The following NOTCH4 variants were observed in gnomAD, a reference collection of about 807,000 sequenced individuals.
NOTCH4 encodes the protein neurogenic locus notch homolog protein 4.
A neutral mutation model predicts 189.0 loss-of-function variants in NOTCH4; 138 were observed. The ratio of observed to expected loss-of-function variants is 0.73; its 90% CI spans 0.64 to 0.84. NOTCH4 has a LOEUF of 0.84. Ranked by LOEUF, NOTCH4 falls within the 40% of genes least tolerant of loss-of-function variation. The probability of loss-of-function intolerance (pLI) is 0.00; values close to 1 mark genes in which losing one functional copy is unlikely to be tolerated. For missense variants in NOTCH4, 2,286 were observed against 2,605.4 expected (o/e 0.88, Z 2.67); for synonymous variants, 942 against 1,032.8 (o/e 0.91, Z 1.69).
chr6:32,216,791 AC>A, intron 11 of NOTCH4, 153 bp downstream of exon 11: 1 of 947,712 alleles, frequency 1.1e-6, no homozygotes, highest in East Asian at 2.5e-5. Flanking sequence ...CCATGGTTGT[AC>A]AATTGTGCAG....
chr6:32,196,215 T>C (rs777010123), intron 29 of NOTCH4, 65 bp from the exon 30 acceptor site: 2 of 1,605,414 alleles, frequency 1.2e-6, no homozygotes, highest in South Asian at 2.2e-5. Context: ...CCTTTCTGCC[T>C]TCACTTGCGC....
intron 12 of NOTCH4, among the ~76,000 whole-genome samples, chr6:32,214,908 G>A (rs1233589040): frequency 2.0e-5 from 3 of 152,180 alleles, no homozygotes; most frequent in Non-Finnish European, 2.9e-5. Flanking sequence ...TTACCGGCAT[G>A]AGACCGTAAT....
In NOTCH4 at chr6:32,214,356, G is replaced by A; in HGVS notation, c.2022-101C>T. On this transcript the variant is annotated intron_variant, in intron 12 of 29. Transcript: ENST00000375023. The stretch of plus-strand genomic sequence containing the variant: ...TATGACTTCCTCTTCTTTTGGCCCT[G>A]AGATTCTGGCCTCTTTCTTCAGTGA... 3 of 1,337,850 alleles carry A rather than the reference G, an allele frequency of 2.2e-6. No individual in the cohort carries two copies. In the South Asian group the frequency reaches 3.8e-5, roughly 17 times the overall value. 82.9% of individuals were successfully genotyped at this position (1,337,850 alleles called of 1,614,324 possible). A position where few individuals can be genotyped will look rare whatever the true frequency, so the allele number is the denominator to read the frequency against.
rs1789742147 is a variant in NOTCH4 at position 32,221,070 on chromosome 6, C to T, written c.707G>A (p.Gly236Glu). ...QEGPRCELRAGPCPPRGCSNG... is the reference protein window; with the variant it reads ...QEGPRCELRAEPCPPRGCSNG... ...CGAACAGCCCCTAGGAGGGCAGGGT[C>T]CTGCCCGCAGCTCACAACGTGGACC... The change falls in exon 4 of 30, where the codon GGA becomes GAA. Residue 236 changes from glycine to glutamate, a missense_variant. Around this residue, in one of 2 missense-constraint regions of NOTCH4, gnomAD observed 1,903 missense variants for 2,261.9 expected, o/e 0.84. Coordinates refer to ENST00000375023, the MANE Select transcript of NOTCH4 (RefSeq NM_004557.4). The surrounding 1 kb of genome is among the most constrained non-coding windows in gnomAD (Gnocchi z 4.3). 12 of 1,613,174 alleles carry T rather than the reference C, an allele frequency of 7.4e-6. No homozygotes were observed. Among genetic ancestry groups the T allele is most frequent in the Admixed American group, 3.3e-5 (2 of 60,026 alleles).
In NOTCH4 at chr6:32,201,011, A is replaced by G; in HGVS notation, c.4140-5T>C. On this transcript the variant is annotated splice_polypyrimidine_tract_variant and splice_region_variant and intron_variant, in intron 22 of 29. Transcript: ENST00000375023. This position sits in a 1 kb window ranked among gnomAD's most constrained non-coding sequence, Gnocchi z 5.5. ...ACACCCATGACCACCACAAACCTGT[A>G]GAGGAGGCACCTCAGAGACCTCTGT... 1.3e-6 allele frequency: 2 copies of G among 1,558,122 alleles called. No individual in the cohort carries two copies. The highest frequency in any genetic ancestry group is 1.7e-6 in the Non-Finnish European group (2 of 1,152,478).
In NOTCH4 at chr6:32,197,434, G is replaced by A; in HGVS notation, c.4917C>T (p.His1639=). Residue 1639 remains histidine, a synonymous_variant, in exon 27 of 30, where the codon CAC becomes CAT. Coordinates refer to ENST00000375023, the MANE Select transcript of NOTCH4 (RefSeq NM_004557.4). The part of the protein sequence containing the change: ...HTVGTGETPL[H]LAARFSRPTA... ...TTGGCCGGGAGAATCGGGCAGCCAG[G>A]TGCAGGGGGGTCTCCCCAGTGCCCA... The A allele has an allele frequency of 6.4e-7, 1 of 1,556,866 alleles. No homozygotes were observed. Among genetic ancestry groups the A allele is most frequent in the Non-Finnish European group, 8.7e-7 (1 of 1,151,390 alleles).
intron 2 of NOTCH4, 47 bp from the exon 3 acceptor site, chr6:32,222,853 T>G (rs1789875589): frequency 6.3e-7 from 1 of 1,599,908 alleles, no homozygotes; most frequent in South Asian, 1.1e-5. Flanking sequence ...TCCCTCTTCC[T>G]ATTCTTGCCC....
In NOTCH4 at chr6:32,222,673, A is replaced by G. The variant is rs141274168; in HGVS notation, c.289T>C (p.Leu97=). Reference sequence around the variant, plus strand: ...CAAGTGCACAAGAAGCTGGGTGTCAATGGAGAGGGAGAGCTGGGGAGCCCT... The same window carrying G: ...CAAGTGCACAAGAAGCTGGGTGTCAGTGGAGAGGGAGAGCTGGGGAGCCCT... ...PLGLPSSPSP[L]TPSFLCTCLP... is the part of the protein sequence containing the mutation. Residue 97 remains leucine, a synonymous_variant, in exon 3 of 30, where the codon TTG becomes CTG. Coordinates refer to ENST00000375023, the MANE Select transcript of NOTCH4 (RefSeq NM_004557.4). 67 of 1,604,026 alleles carry G rather than the reference A, an allele frequency of 4.2e-5. No individual in the cohort carries two copies. The African/African-American group carries it at 8.1e-4, about 19-fold the overall frequency.
chr6:32,211,580 G>A (rs1789022224), intron 17 of NOTCH4, among the ~76,000 whole-genome samples: 1 of 150,746 alleles, frequency 6.6e-6, no homozygotes, highest in Non-Finnish European at 1.5e-5. Context: ...GTGACAGACT[G>A]GGACTCCATC....
At position 32,201,344 on chromosome 6, in the gene NOTCH4, G is replaced by A. The variant is rs1479405806; in HGVS notation, c.3912C>T (p.Ser1304=). 5 of 1,610,062 alleles carry A rather than the reference G, an allele frequency of 3.1e-6. No individual in the cohort carries two copies. Among genetic ancestry groups the A allele is most frequent in the Non-Finnish European group, 3.4e-6 (4 of 1,178,290 alleles). ...ACAGCTGCTGGTCTAGGGCTGGGGG[G>A]CTCAGTACCACCAGCAGGGCCAGGG... ...GPSLALLVVL[S]PPALDQQLFA... Residue 1304 remains serine (S), a synonymous_variant, in exon 22 of 30, where the codon AGC becomes AGT. Coordinates refer to ENST00000375023, the MANE Select transcript of NOTCH4 (RefSeq NM_004557.4). This position sits in a 1 kb window ranked among gnomAD's most constrained non-coding sequence, Gnocchi z 5.5.
Position 32,202,713 on chromosome 6 carries a change from A to C in NOTCH4, c.3232-114T>G. On this transcript the variant is annotated intron_variant, in intron 20 of 29. Coordinates refer to ENST00000375023, the MANE Select transcript of NOTCH4 (RefSeq NM_004557.4). The surrounding 1 kb of genome is among the most constrained non-coding windows in gnomAD (Gnocchi z 5.7). ...GAGGGTCCTAGATTCTCATATCTAA[A>C]AGGCGCCTCAGAGAGCATCAAGTTA... The C allele has an allele frequency of 1.0e-6, 1 of 968,448 alleles. No individual in the cohort carries two copies. The highest frequency in any genetic ancestry group is 1.9e-5 in the South Asian group (1 of 52,600). The allele number at this position is 968,448 out of a possible 1,614,324, so 60.0% of individuals were successfully genotyped here.
rs768983032 is a variant in NOTCH4 at position 32,202,564 on chromosome 6, AGGGGCCCTGTGGCTGCAGGT to A, written c.3247_3266del (p.Thr1083PhefsTer18). The A allele has an allele frequency of 6.2e-7, 1 of 1,600,754 alleles. No individual in the cohort carries two copies. Among genetic ancestry groups the A allele is most frequent in the South Asian group, 1.1e-5 (1 of 90,734 alleles). On this transcript the variant is annotated frameshift_variant, in exon 21 of 30. Transcript: ENST00000375023. LOFTEE classifies it high-confidence loss of function. This position sits in a 1 kb window ranked among gnomAD's most constrained non-coding sequence, Gnocchi z 5.7. ...GGTGGCAGTGATGGAAGCCGCAGGAAGGGGCCCTGTGGCTGCAGGTGGGGCCTTCAAAACCCTGTGGAGGG... is the reference window on the plus strand; with the variant it reads ...GGTGGCAGTGATGGAAGCCGCAGGAAGGGGCCTTCAAAACCCTGTGGAGGG...
At position 32,217,688 on chromosome 6, in the gene NOTCH4, G is replaced by T. The variant is rs536970247; in HGVS notation, c.1624+307C>A. On this transcript the variant is annotated intron_variant, in intron 9 of 29. Coordinates refer to ENST00000375023, the MANE Select transcript of NOTCH4 (RefSeq NM_004557.4). This position sits in a 1 kb window ranked among gnomAD's most constrained non-coding sequence, Gnocchi z 4.2. ...AGAAGAAAGGCTTGGGGCAGCTTTT[G>T]CTGGGTTTATGATGAGAGTGCCAAG... Among the ~76,000 whole-genome samples the T allele has an allele frequency of 6.6e-6, 1 of 152,314 alleles. No individual in the cohort carries two copies. Among genetic ancestry groups the T allele is most frequent in the East Asian group, 1.9e-4 (1 of 5,180 alleles).
At chr6:32,208,512 C>A (rs1401897739) in intron 18 of NOTCH4, among the ~76,000 whole-genome samples, 2 of 152,126 alleles carry the variant, frequency 1.3e-5, no homozygotes, top group African/African-American at 2.4e-5. Context: ...GCGGGAAGAT[C>A]ATTTGAGGTC....
rs1427190747 is a variant in NOTCH4 at position 32,219,631 on chromosome 6, G to C, written c.1471C>G (p.Leu491Val). 6.2e-6 allele frequency: 10 copies of C among 1,612,996 alleles called. No homozygotes were observed. The Admixed American group carries it at 1.7e-4, about 27-fold the overall frequency. ...CAGTGGAAGGTGGCAAGTAGGTCCA[G>C]ACAGGTGCTTCCTGGGTGGCAGGGC... ...SQPCHPGSTC[L>V]DLLATFHCLC... The change falls in exon 8 of 30, where the codon CTG becomes GTG. Residue 491 changes from leucine to valine, a missense_variant. Leu to Val is a conservative substitution (Grantham distance 32, BLOSUM62 1). Coordinates refer to ENST00000375023, the MANE Select transcript of NOTCH4 (RefSeq NM_004557.4).
In NOTCH4 at chr6:32,203,404, A is replaced by G. The variant is rs117264612; in HGVS notation, c.3231+366T>C. 869 of 233,974 alleles carry G rather than the reference A, an allele frequency of 3.7e-3. 45 individuals carry two copies. The East Asian group carries it at 0.075, about 20-fold the overall frequency. 14.5% of individuals were successfully genotyped at this position (233,974 alleles called of 1,614,324 possible). On this transcript the variant is annotated intron_variant, in intron 20 of 29. Transcript: ENST00000375023. ...ACCAGGCATAAACCAATGTCAGTGT[A>G]TCAGGAACCAAAGCTTAAGATTAGT... is the stretch of plus-strand genomic sequence containing the variant.
At chr6:32,213,923 C>A in intron 13 of NOTCH4, 83 bp from the exon 14 acceptor site, 1 of 1,532,110 alleles carries the variant, frequency 6.5e-7, no homozygotes, top group East Asian at 2.3e-5. Context: ...CCTTCCCTTC[C>A]TCATCCCCAA....
Position 32,203,867 on chromosome 6 carries a change from A to T in NOTCH4, c.3134T>A (p.Val1045Glu), listed in dbSNP as rs1421846248. 6.4e-7 allele frequency: 1 copy of T among 1,556,004 alleles called. No homozygotes were observed. The highest frequency in any genetic ancestry group is 8.7e-7 in the Non-Finnish European group (1 of 1,149,580). The change falls in exon 20 of 30, where the codon GTG becomes GAG. Residue 1045 changes from valine (V) to glutamate (E), a missense_variant. This residue lies in a region of NOTCH4 where 1,903 missense variants were observed against 2,261.9 expected (regional missense o/e 0.84). Coordinates refer to ENST00000375023, the MANE Select transcript of NOTCH4 (RefSeq NM_004557.4). ...TTGGCTGTGGCAGGGGTCTATCTCC[A>T]CCTCACACCACTGGCCTGTAATTAT... ...LPGHTGQWCEVEIDPCHSQPC... is the reference protein window; with the variant it reads ...LPGHTGQWCEEEIDPCHSQPC...
At chr6:32,216,721 C>T (rs955390787) in intron 11 of NOTCH4, 13 of 620,574 alleles carry the variant, frequency 2.1e-5, no homozygotes, top group Admixed American at 1.2e-4. Flanking sequence ...GCTCCCAAGC[C>T]GCAATCACAC....
Sources: allele counts gnomAD v4.1 joint callset (sites outside exome capture counted in the v4.1 genomes callset), GRCh38; gene constraint gnomAD v4.1.1; regional missense constraint gnomAD v4.1.1; non-coding constraint Gnocchi (gnomAD v3.1); transcripts MANE v1.5; gene names NCBI Gene and HGNC (gene_info 2026-07-23, HGNC 2026-07-21).